TBC1D32: variants seen among roughly 807,000 people sequenced by gnomAD.
TBC1D32 encodes TBC1 domain family member 32.
In TBC1D32, 151 loss-of-function variants were observed where a neutral mutation model predicts 170.3. That is an observed-to-expected ratio of 0.89 (90% CI 0.78 to 1.01). TBC1D32 has a LOEUF of 1.01. Among genes scored for constraint, TBC1D32 ranks in the 50% least tolerant of loss-of-function variants. TBC1D32 has a pLI of 0.00. For synonymous variants in TBC1D32, 498 were observed against 488.0 expected (o/e 1.02, Z -0.27); for missense variants, 1,464 against 1,457.1 (o/e 1.00, Z -0.08).
chr6:121,200,527 C>T (rs928763927), intron 22 of TBC1D32, among the ~76,000 whole-genome samples: 1 of 151,568 alleles, frequency 6.6e-6, no homozygotes, highest in Admixed American at 6.6e-5. Context: ...AGTTTCCAGG[C>T]AACTGTTTTA....
chr6:121,294,299 G>C (rs901570165), intron 11 of TBC1D32, among the ~76,000 whole-genome samples: 1 of 152,106 alleles, frequency 6.6e-6, no homozygotes, highest in African/African-American at 2.4e-5. Flanking sequence ...TAATATAACA[G>C]ATTAGGATAC....
chr6:121,203,132 A>C (rs1410325688), intron 22 of TBC1D32, among the ~76,000 whole-genome samples: 1 of 151,350 alleles, frequency 6.6e-6, no homozygotes, highest in Non-Finnish European at 1.5e-5. Flanking sequence ...TCCCAAACAC[A>C]CAGAAACACA....
At chr6:121,192,562 A>T (rs1291741367) in intron 22 of TBC1D32, 3 of 152,178 alleles carry the variant, frequency 2.0e-5, no homozygotes, top group African/African-American at 7.2e-5. Context: ...AAGAGATGAA[A>T]CTGTAGAAAA....
chr6:121,156,206 G>A (rs1784866940), intron 24 of TBC1D32, among the ~76,000 whole-genome samples: 1 of 151,046 alleles, frequency 6.6e-6, no homozygotes, highest in Admixed American at 6.6e-5. Flanking sequence ...TTATTGGTAT[G>A]TTCAGAATTT....
At chr6:121,329,154 C>T (rs4483022) in intron 1 of TBC1D32, among the ~76,000 whole-genome samples, 17,447 of 152,162 alleles carry the variant, frequency 0.11, 1,429 homozygotes, top group Admixed American at 0.23. Flanking sequence ...AGTAAAAGAA[C>T]ATTCACTTTT....
At chr6:121,204,684 A>G (rs1164420768) in intron 22 of TBC1D32, among the ~76,000 whole-genome samples, 1 of 151,358 alleles carries the variant, frequency 6.6e-6, no homozygotes, top group Non-Finnish European at 1.5e-5. Flanking sequence ...GATTAACACC[A>G]AAGAGCAAAA....
rs1563102307 is a variant in TBC1D32 at position 121,256,068 on chromosome 6, GC to G, written c.1935+15del. ...AAGATTTGCAGGGAGAAAAAACGAAGCTTGAAAATACTTACCTTTTTCCATG... is the reference window on the plus strand; with the variant it reads ...AAGATTTGCAGGGAGAAAAAACGAAGTTGAAAATACTTACCTTTTTCCATG... On this transcript the variant is annotated intron_variant, in intron 16 of 31. Transcript: ENST00000398212. 2 of 1,596,412 alleles carry G rather than the reference GC, an allele frequency of 1.3e-6. No individual in the cohort carries two copies. The highest frequency in any genetic ancestry group is 1.7e-6 in the Non-Finnish European group (2 of 1,174,294).
intron 26 of TBC1D32, among the ~76,000 whole-genome samples, chr6:121,125,694 G>A (rs1582874551): frequency 6.6e-6 from 1 of 152,186 alleles, no homozygotes; most frequent in South Asian, 2.1e-4. Context: ...CCCAACTGCT[G>A]TAGAAGAGAC....
chr6:121,195,875 G>A (rs1790663074), intron 22 of TBC1D32, among the ~76,000 whole-genome samples: 1 of 152,194 alleles, frequency 6.6e-6, no homozygotes, highest in Non-Finnish European at 1.5e-5. Flanking sequence ...ACTTCGAGCA[G>A]TGCACCAGGT....
At chr6:121,274,209 T>G (rs1801914826) in intron 15 of TBC1D32, among the ~76,000 whole-genome samples, 1 of 151,924 alleles carries the variant, frequency 6.6e-6, no homozygotes, top group Non-Finnish European at 1.5e-5. Flanking sequence ...GGCACACACC[T>G]ATAGTCCCAG....
intron 26 of TBC1D32, among the ~76,000 whole-genome samples, chr6:121,116,360 T>C (rs1237549006): frequency 6.6e-6 from 1 of 151,968 alleles, no homozygotes; most frequent in Non-Finnish European, 1.5e-5. Flanking sequence ...GTGTCAGAGA[T>C]CAAATGTATA....
intron 17 of TBC1D32, among the ~76,000 whole-genome samples, chr6:121,242,989 T>C (rs1440237241): frequency 6.6e-6 from 1 of 151,912 alleles, no homozygotes; most frequent in Non-Finnish European, 1.5e-5. Context: ...CTTTTTACTT[T>C]CTTTGAAAAT....
intron 31 of TBC1D32, among the ~76,000 whole-genome samples, chr6:121,084,378 T>C (rs1321805408): frequency 3.3e-5 from 5 of 152,094 alleles, no homozygotes. Context: ...CTCAAGATAT[T>C]CATAGTGGTC....
At chr6:121,242,052 A>G in intron 18 of TBC1D32, 149 bp downstream of exon 18, 1 of 670,626 alleles carries the variant, frequency 1.5e-6, no homozygotes, top group Non-Finnish European at 2.3e-6. Context: ...ATGTTTTCCT[A>G]AAAAAAAATC....
chr6:121,219,005 T>C (rs1052097302), intron 21 of TBC1D32, among the ~76,000 whole-genome samples: 5 of 152,176 alleles, frequency 3.3e-5, no homozygotes, highest in African/African-American at 7.2e-5. Flanking sequence ...GTCTCAAGTA[T>C]GTCTTTATTA....
At chr6:121,240,024 C>A (rs1265811942) in intron 19 of TBC1D32, among the ~76,000 whole-genome samples, 3 of 152,034 alleles carry the variant, frequency 2.0e-5, no homozygotes. Context: ...AGCCTTAGTT[C>A]CCCCATTTGA....
intron 21 of TBC1D32, among the ~76,000 whole-genome samples, chr6:121,222,847 A>T (rs1247364792): frequency 6.6e-6 from 1 of 152,210 alleles, no homozygotes; most frequent in African/African-American, 2.4e-5. Context: ...TAGTTCATTC[A>T]AATATAAGCA....
intron 22 of TBC1D32, among the ~76,000 whole-genome samples, chr6:121,184,621 T>G (rs1023747702): frequency 1.3e-5 from 2 of 151,932 alleles, no homozygotes; most frequent in African/African-American, 2.4e-5. Context: ...CAAGTTCAGA[T>G]AGTCTATCAC....
chr6:121,329,551 C>G (rs998920329), intron 1 of TBC1D32, among the ~76,000 whole-genome samples: 1 of 152,054 alleles, frequency 6.6e-6, no homozygotes, highest in African/African-American at 2.4e-5. Flanking sequence ...ACTTGGGAGG[C>G]TGAGGCAAGA....
Sources: allele counts gnomAD v4.1 joint callset (sites outside exome capture counted in the v4.1 genomes callset), GRCh38; gene constraint gnomAD v4.1.1; transcripts MANE v1.5; gene names NCBI Gene and HGNC (gene_info 2026-07-23, HGNC 2026-07-21).